FREM3: variants seen among roughly 807,000 people sequenced by gnomAD.
FREM3 encodes the protein FRAS1-related extracellular matrix protein 3.
FREM3 carries 105 observed loss-of-function variants against 129.1 expected under a neutral mutation model. That is an observed-to-expected ratio of 0.81 (90% CI 0.69 to 0.96). The LOEUF (loss-of-function observed/expected upper bound fraction) is 0.96, where lower values mean the gene tolerates loss of function less well. Ranked by LOEUF, FREM3 falls within the 40% of genes least tolerant of loss-of-function variation. The pLI is 0.00. For synonymous variants in FREM3, 1,014 were observed against 1,044.9 expected (o/e 0.97, Z 0.57); for missense variants, 2,593 against 2,666.3 (o/e 0.97, Z 0.61).
Position 143,627,544 on chromosome 4 carries a change from G to A in FREM3, c.5422+70C>T, listed in dbSNP as rs1318411205. On this transcript the variant is annotated intron_variant, in intron 3 of 7. Transcript: ENST00000329798. Reference sequence around the variant, plus strand: ...TTATTCTCTTTCAGTATACTTTCTTGTAATTATTTTTAGTCCCAGATTTCA... The same window carrying A: ...TTATTCTCTTTCAGTATACTTTCTTATAATTATTTTTAGTCCCAGATTTCA... The A allele has an allele frequency of 4.1e-6, 5 of 1,219,792 alleles. No individual in the cohort carries two copies. In the Admixed American group the frequency reaches 1.0e-4, roughly 25 times the overall value. 75.6% of individuals were successfully genotyped at this position (1,219,792 alleles called of 1,614,324 possible).
intron 2 of FREM3, 83 bp downstream of exon 2, chr4:143,693,030 C>T: frequency 4.9e-6 from 3 of 606,290 alleles, no homozygotes; most frequent in South Asian, 5.9e-5. Flanking sequence ...CTATACTTGC[C>T]CAGAAATGAT....
At chr4:143,690,271 A>G (rs556671006) in intron 2 of FREM3, among the ~76,000 whole-genome samples, 1 of 152,298 alleles carries the variant, frequency 6.6e-6, no homozygotes, top group East Asian at 1.9e-4. Context: ...TTTCTCAAAG[A>G]TGCAAGACTA....
intron 2 of FREM3, among the ~76,000 whole-genome samples, chr4:143,638,660 G>A (rs1264693442): frequency 1.3e-5 from 2 of 152,070 alleles, no homozygotes; most frequent in Non-Finnish European, 2.9e-5. Context: ...TGGCGGTAAA[G>A]ACTATGTTTG....
intron 1 of FREM3, 137 bp from the exon 2 acceptor site, chr4:143,693,339 TC>T: frequency 2.3e-6 from 1 of 439,318 alleles, no homozygotes; most frequent in Non-Finnish European, 4.0e-6. Context: ...TGAACATGAA[TC>T]TTCTTAAAGC....
At chr4:143,612,658 T>G (rs13145166) in intron 5 of FREM3, among the ~76,000 whole-genome samples, 50,770 of 152,022 alleles carry the variant, frequency 0.33, 9,794 homozygotes, top group South Asian at 0.44. Flanking sequence ...GAATAAATAC[T>G]TAAGAGTAGG....
intron 5 of FREM3, among the ~76,000 whole-genome samples, chr4:143,616,953 C>T (rs958934227): frequency 1.3e-5 from 2 of 152,102 alleles, no homozygotes; most frequent in African/African-American, 4.8e-5. Flanking sequence ...CATTAAAAAC[C>T]GCAACGTATT....
intron 5 of FREM3, among the ~76,000 whole-genome samples, chr4:143,618,161 C>G (rs1738883014): frequency 6.6e-6 from 1 of 152,166 alleles, no homozygotes; most frequent in South Asian, 2.1e-4. Context: ...GGCTCAGTGT[C>G]TGGCACGGAG....
intron 5 of FREM3, among the ~76,000 whole-genome samples, chr4:143,614,304 T>A (rs1439511338): frequency 2.0e-5 from 3 of 152,226 alleles, no homozygotes; most frequent in Non-Finnish European, 4.4e-5. Context: ...AGAATGTGAA[T>A]ACTGACATTC....
At chr4:143,693,495 T>G (rs977500830) in intron 1 of FREM3, among the ~76,000 whole-genome samples, 1 of 152,184 alleles carries the variant, frequency 6.6e-6, no homozygotes, top group African/African-American at 2.4e-5. Context: ...TATACATTGT[T>G]GGTAGGAGTG....
chr4:143,650,124 A>G (rs547916347), intron 2 of FREM3, among the ~76,000 whole-genome samples: 2 of 152,368 alleles, frequency 1.3e-5, no homozygotes, highest in South Asian at 4.1e-4. Context: ...TTCTATAACA[A>G]AAGAAGTCTG....
Position 143,624,240 on chromosome 4 carries a change from A to G in FREM3, c.5521T>C (p.Trp1841Arg). Residue 1841 changes from tryptophan (W) to arginine (R), a missense_variant, in exon 4 of 8, where the codon TGG becomes CGG. This residue lies in a region of FREM3 where 317 missense variants were observed against 399.0 expected (regional missense o/e 0.79). Coordinates refer to ENST00000329798, the MANE Select transcript of FREM3 (RefSeq NM_001168235.2). Reference sequence around the variant, plus strand: ...TTGTCAGGTATAATTCTCACCCTCCATGTGGCTGTAGTCTGTCCAGGATTG... The same window carrying G: ...TTGTCAGGTATAATTCTCACCCTCCGTGTGGCTGTAGTCTGTCCAGGATTG... Reference protein sequence around the residue: ...QFNPGQTTATWRVRIIPDNEY... With the variant: ...QFNPGQTTATRRVRIIPDNEY... 2.0e-5 allele frequency: 31 copies of G among 1,536,390 alleles called. No individual in the cohort carries two copies. Among genetic ancestry groups the G allele is most frequent in the Non-Finnish European group, 2.7e-5 (31 of 1,146,144 alleles).
Position 143,695,884 on chromosome 4 carries a change from T to G in FREM3, c.4792A>C (p.Lys1598Gln). ...NGSRPVTTFT[K>Q]QDLNKNLISY... is the part of the protein sequence containing the mutation. ...ATCAGGTTCTTGTTCAGGTCTTGCT[T>G]GGTGAAAGTGGTCACGGGACGGCTA... The change falls in exon 1 of 8, where the codon AAG becomes CAG. Residue 1598 changes from lysine (K) to glutamine (Q), a missense_variant. Lys to Gln is a moderately conservative substitution (Grantham distance 53). This residue lies in a region of FREM3 where 2,276 missense variants were observed against 2,267.2 expected (regional missense o/e 1.00). Transcript: ENST00000329798. 6.5e-7 allele frequency: 1 copy of G among 1,537,656 alleles called. No individual in the cohort carries two copies. The highest frequency in any genetic ancestry group is 1.4e-5 in the African/African-American group (1 of 73,182).
chr4:143,698,200 C>T lies in FREM3; in HGVS notation c.2476G>A (p.Asp826Asn), dbSNP rs1171219745. ...TTGGTGACTTCTGGGGGCTGGTTGT[C>T]CACAGGTTGCAGGAATAATGTGAAT... ...GTFTLFLQPVDNQPPEVTNRG... is the reference protein window; with the variant it reads ...GTFTLFLQPVNNQPPEVTNRG... The change falls in exon 1 of 8, where the codon GAC (aspartate) becomes AAC (asparagine). Residue 826 changes from aspartate (D) to asparagine (N), a missense_variant. Physicochemically the swap from Asp to Asn is conservative, Grantham distance 23. This residue lies in a region of FREM3 where 2,276 missense variants were observed against 2,267.2 expected (regional missense o/e 1.00). Coordinates refer to ENST00000329798, the MANE Select transcript of FREM3 (RefSeq NM_001168235.2). The T allele has an allele frequency of 6.5e-7, 1 of 1,537,404 alleles. No individual in the cohort carries two copies.
At chr4:143,590,808 A>G (rs12647081) in intron 6 of FREM3, among the ~76,000 whole-genome samples, 150,280 of 151,694 alleles carry the variant, frequency 0.99, 74,452 homozygotes, top group Middle Eastern at 1. Flanking sequence ...GTTTCAGAAG[A>G]AATGGTACCA....
intron 5 of FREM3, among the ~76,000 whole-genome samples, chr4:143,617,410 T>C (rs763993525): frequency 2.6e-5 from 4 of 152,190 alleles, no homozygotes; most frequent in Non-Finnish European, 5.9e-5. Context: ...AAAACATTAA[T>C]GGTGCCAAGG....
At chr4:143,608,112 G>A (rs1308854193) in intron 6 of FREM3, among the ~76,000 whole-genome samples, 2 of 152,030 alleles carry the variant, frequency 1.3e-5, no homozygotes, top group African/African-American at 2.4e-5. Context: ...CAGGATAATC[G>A]CACCATCTCA....
At chr4:143,589,874 C>G (rs1738324982) in intron 6 of FREM3, among the ~76,000 whole-genome samples, 1 of 152,192 alleles carries the variant, frequency 6.6e-6, no homozygotes. Flanking sequence ...TACCCATGAG[C>G]ATGGAATGTT....
intron 2 of FREM3, among the ~76,000 whole-genome samples, chr4:143,691,733 T>A (rs1740474868): frequency 1.3e-5 from 2 of 152,202 alleles, no homozygotes; most frequent in Admixed American, 1.3e-4. Context: ...AGTTAAAACA[T>A]GGTAGCTACA....
intron 2 of FREM3, among the ~76,000 whole-genome samples, chr4:143,656,202 C>T (rs1054726070): frequency 2.6e-5 from 4 of 152,128 alleles, no homozygotes; most frequent in African/African-American, 9.7e-5. Context: ...TCAGTTACCA[C>T]TCATTACTCC....
Sources: gnomAD v4.1 joint callset for allele counts (sites outside exome capture counted in the v4.1 genomes callset) on GRCh38, gnomAD v4.1.1 for gene constraint, gnomAD v4.1.1 regional missense constraint, MANE v1.5 for transcripts, NCBI Gene and HGNC (gene_info 2026-07-23, HGNC 2026-07-21) for gene names.